Variants in ACBD6 observed in about 807,000 individuals in gnomAD.
ACBD6 encodes the protein acyl-CoA binding domain containing 6.
ACBD6 carries 28 observed loss-of-function variants against 37.2 expected under a neutral mutation model. That is an observed-to-expected ratio of 0.75 (90% confidence interval 0.56 to 1.03). The LOEUF (loss-of-function observed/expected upper bound fraction) is 1.03, where lower values mean the gene tolerates loss of function less well. Ranked by LOEUF, ACBD6 falls within the 50% of genes least tolerant of loss-of-function variation. The pLI is 0.00. For synonymous variants in ACBD6, 113 were observed against 126.8 expected, an observed-to-expected ratio of 0.89 and a Z score of 0.73; for missense variants, 340 against 337.4, an observed-to-expected ratio of 1.01 and a Z score of -0.06.
At chr1:180,394,831 G>A (rs1024496781) in intron 6 of ACBD6, among the ~76,000 whole-genome samples, 1 of 152,130 alleles carries the variant, frequency 6.6e-6, no homozygotes, top group Non-Finnish European at 1.5e-5. Flanking sequence ...ATCAATTATA[G>A]ATGAGTTGAT....
intron 4 of ACBD6, among the ~76,000 whole-genome samples, chr1:180,414,220 G>C (rs918658079): frequency 1.3e-5 from 2 of 152,156 alleles, no homozygotes; most frequent in Non-Finnish European, 2.9e-5. Context: ...ATTCTCAAAA[G>C]AATCAGTGAC....
Position 180,435,967 on chromosome 1 carries a change from T to C in ACBD6, c.385-5705A>G, listed in dbSNP as rs1649019776. ...AAATGAATACTGTACAATTGTTTAA[T>C]TTTAAACTATTTTGCAGCATAGCTA... On this transcript the variant is annotated intron_variant, in intron 3 of 7. Coordinates refer to ENST00000367595, the MANE Select transcript of ACBD6 (RefSeq NM_032360.4). 1.1e-5 allele frequency: 12 copies of C among 1,112,810 alleles called. No individual in the cohort carries two copies. The Admixed American group carries it at 2.1e-4, about 20-fold the overall frequency. The allele number at this position is 1,112,810 out of a possible 1,614,324, so 68.9% of individuals were successfully genotyped here. A position where few individuals can be genotyped will look rare whatever the true frequency, so the allele number is the denominator to read the frequency against.
chr1:180,377,098 T>A (rs1653466264), intron 6 of ACBD6, among the ~76,000 whole-genome samples: 1 of 152,154 alleles, frequency 6.6e-6, no homozygotes, highest in African/African-American at 2.4e-5. Context: ...AACTCCTTTA[T>A]GCGTATATAC....
chr1:180,478,309 T>C (rs1206554945), intron 3 of ACBD6, among the ~76,000 whole-genome samples: 1 of 152,148 alleles, frequency 6.6e-6, no homozygotes, highest in Non-Finnish European at 1.5e-5. Context: ...ATAAGCATAA[T>C]TGAAGTGTAT....
At position 180,345,780 on chromosome 1, in the gene ACBD6, C is replaced by A. The variant is rs80356120; in HGVS notation, c.664-31058G>T. 8.0e-4 allele frequency among the ~76,000 whole-genome samples: 122 copies of A among 152,126 alleles called. 1 individual carries two copies. The highest frequency in any genetic ancestry group is 2.8e-3 in the African/African-American group (118 of 41,512). On this transcript the variant is annotated intron_variant, in intron 6 of 7. Transcript: ENST00000367595. Reference sequence around the variant, plus strand: ...TAAAGCAAGCAATTAAACCAAAAAGCACTGTATATTTAAAAATGTTTTAAA... The same window carrying A: ...TAAAGCAAGCAATTAAACCAAAAAGAACTGTATATTTAAAAATGTTTTAAA...
At chr1:180,432,910 T>TA (rs997501621) in intron 3 of ACBD6, among the ~76,000 whole-genome samples, 1,801 of 141,378 alleles carry the variant, frequency 0.013, 36 homozygotes, top group African/African-American at 0.041. Context: ...GAATCAGTAA[T>TA]AAAAAAAAAA....
rs1650407829 is a variant in ACBD6, at chr1:180,307,004, G to A, written c.694+7688C>T. ...TACGATCCAGCAGTCCCAATCATGG[G>A]TATATACCCAAAAGAAAGGAAATCA... is the stretch of plus-strand genomic sequence containing the variant. On this transcript the variant is annotated intron_variant, in intron 7 of 7. Transcript: ENST00000367595. Among the ~76,000 whole-genome samples, 2 of 152,186 alleles carry A rather than the reference G, an allele frequency of 1.3e-5. 1 individual carries two copies.
chr1:180,409,727 C>T (rs1647776347), intron 5 of ACBD6, among the ~76,000 whole-genome samples: 1 of 152,184 alleles, frequency 6.6e-6, no homozygotes, highest in African/African-American at 2.4e-5. Flanking sequence ...CCCCTCTCTT[C>T]AGGCTTCCCT....
chr1:180,294,786 C>T (rs1649855231), intron 7 of ACBD6, among the ~76,000 whole-genome samples: 1 of 151,998 alleles, frequency 6.6e-6, no homozygotes, highest in Admixed American at 6.5e-5. Flanking sequence ...CCTGGAACTC[C>T]TGGGCATGAG....
chr1:180,334,400 A>C (rs1313057798), intron 6 of ACBD6, among the ~76,000 whole-genome samples: 3 of 152,190 alleles, frequency 2.0e-5, no homozygotes, highest in African/African-American at 7.2e-5. Flanking sequence ...TACCCAGGCA[A>C]ACAGGGTCTG....
rs1178843496 is a variant in ACBD6 at position 180,380,086 on chromosome 1, C to T, written c.663+17430G>A. Reference sequence around the variant, plus strand: ...GACCAGCCCGGGCAATATGGTGAAACTCCATTTCTACAAAAAATAAACAAG... The same window carrying T: ...GACCAGCCCGGGCAATATGGTGAAATTCCATTTCTACAAAAAATAAACAAG... On this transcript the variant is annotated intron_variant, in intron 6 of 7. Coordinates refer to ENST00000367595, the MANE Select transcript of ACBD6 (RefSeq NM_032360.4). 2.0e-5 allele frequency among the ~76,000 whole-genome samples: 3 copies of T among 152,170 alleles called. No individual in the cohort carries two copies. The East Asian group carries it at 5.8e-4, about 29-fold the overall frequency.
chr1:180,334,712 T>G (rs1459407094), intron 6 of ACBD6, among the ~76,000 whole-genome samples: 4 of 152,020 alleles, frequency 2.6e-5, no homozygotes, highest in African/African-American at 9.7e-5. Context: ...CAAACTACTT[T>G]GAGCTAAAGG....
At chr1:180,443,865 T>G (rs948289629) in intron 3 of ACBD6, among the ~76,000 whole-genome samples, 42 of 151,520 alleles carry the variant, frequency 2.8e-4, no homozygotes, top group Non-Finnish European at 5.4e-4. Flanking sequence ...CCTCGTGATC[T>G]GCCTGCCTTG....
chr1:180,447,516 A>G (rs1649521784), intron 3 of ACBD6, among the ~76,000 whole-genome samples: 1 of 152,152 alleles, frequency 6.6e-6, no homozygotes, highest in Non-Finnish European at 1.5e-5. Context: ...GTTCCAGCAC[A>G]CTTTAAAACT....
At chr1:180,501,905 C>CAAAAAAA (rs5779061) in intron 1 of ACBD6, 140 bp downstream of exon 1, 3 of 612,156 alleles carry the variant, frequency 4.9e-6, no homozygotes, top group Non-Finnish European at 8.4e-6. Context: ...AGCAGATGGT[C>CAAAAAAA]AAAAAAAAAA....
intron 6 of ACBD6, among the ~76,000 whole-genome samples, chr1:180,341,103 A>G (rs1329900778): frequency 3.9e-5 from 6 of 152,166 alleles, no homozygotes; most frequent in East Asian, 1.9e-4. Flanking sequence ...ATTCATTTAA[A>G]TATCTGCTTT....
intron 4 of ACBD6, among the ~76,000 whole-genome samples, chr1:180,419,904 C>T (rs1161634441): frequency 6.6e-6 from 1 of 152,164 alleles, no homozygotes; most frequent in Non-Finnish European, 1.5e-5. Context: ...TGTGAAAATA[C>T]ACCATAATTT....
At chr1:180,448,989 A>G (rs112841160) in intron 3 of ACBD6, among the ~76,000 whole-genome samples, 1,550 of 152,324 alleles carry the variant, frequency 0.01, 21 homozygotes, top group African/African-American at 0.035. Context: ...TACAGCCACT[A>G]CCATCTTCCC....
At chr1:180,428,812 A>G (rs1446376905) in intron 4 of ACBD6, among the ~76,000 whole-genome samples, 1 of 152,212 alleles carries the variant, frequency 6.6e-6, no homozygotes, top group Admixed American at 6.5e-5. Context: ...TCAAGAAACT[A>G]TCTCAATTTA....
Sources: gnomAD v4.1 joint callset for allele counts (sites outside exome capture counted in the v4.1 genomes callset) on GRCh38, gnomAD v4.1.1 for gene constraint, MANE v1.5 for transcripts, NCBI Gene and HGNC (gene_info 2026-07-23, HGNC 2026-07-21) for gene names.